The following ABI1 variants were observed in gnomAD, a reference collection of about 807,000 sequenced individuals.
ABI1 encodes the protein Abelson interactor 1.
Under a neutral mutation model 54.6 loss-of-function variants are expected in ABI1, and 14 were observed. The ratio of observed to expected loss-of-function variants is 0.26; its 90% CI spans 0.17 to 0.40. The LOEUF (loss-of-function observed/expected upper bound fraction) is 0.40, where lower values mean the gene tolerates loss of function less well. Among genes scored for constraint, ABI1 ranks in the 10% least tolerant of loss-of-function variants. ABI1 has a pLI of 1.00. For synonymous variants in ABI1, 194 were observed against 209.3 expected (o/e 0.93, Z 0.63); for missense variants, 443 against 598.3 (o/e 0.74, Z 2.71).
intron 2 of ABI1, among the ~76,000 whole-genome samples, chr10:26,794,480 A>T (rs568631838): frequency 1.3e-5 from 2 of 152,116 alleles, no homozygotes; most frequent in African/African-American, 4.8e-5. Flanking sequence ...CTAAGAGTTG[A>T]GTTCAGGAAC....
At chr10:26,834,682 A>C (rs935288801) in intron 1 of ABI1, among the ~76,000 whole-genome samples, 3 of 152,058 alleles carry the variant, frequency 2.0e-5, no homozygotes, top group Non-Finnish European at 4.4e-5. Flanking sequence ...CCACAATGCA[A>C]CAGACCAGGC....
intron 9 of ABI1, among the ~76,000 whole-genome samples, chr10:26,753,377 T>A (rs545789522): frequency 6.6e-6 from 1 of 152,352 alleles, no homozygotes; most frequent in East Asian, 1.9e-4. Flanking sequence ...GTTCATATCC[T>A]TAATTTGGCT....
At chr10:26,795,581 A>C (rs1275398770) in intron 2 of ABI1, among the ~76,000 whole-genome samples, 1 of 152,218 alleles carries the variant, frequency 6.6e-6, no homozygotes, top group Non-Finnish European at 1.5e-5. Context: ...TCAACATACA[A>C]AAATCAGTAA....
chr10:26,846,955 T>C (rs2050029331), intron 1 of ABI1, among the ~76,000 whole-genome samples: 1 of 152,186 alleles, frequency 6.6e-6, no homozygotes, highest in African/African-American at 2.4e-5. Flanking sequence ...ATGTATACTT[T>C]CATGTCACAT....
intron 2 of ABI1, among the ~76,000 whole-genome samples, chr10:26,809,702 T>G (rs2047107380): frequency 6.6e-6 from 1 of 152,194 alleles, no homozygotes; most frequent in Non-Finnish European, 1.5e-5. Context: ...ATATGGACAC[T>G]AATTAATGTT....
At chr10:26,822,827 T>C (rs2048068795) in intron 2 of ABI1, among the ~76,000 whole-genome samples, 1 of 152,188 alleles carries the variant, frequency 6.6e-6, no homozygotes, top group African/African-American at 2.4e-5. Flanking sequence ...CTGTTCTTTA[T>C]GTACAAATAA....
chr10:26,820,653 T>C (rs2047912298), intron 2 of ABI1, among the ~76,000 whole-genome samples: 1 of 151,268 alleles, frequency 6.6e-6, no homozygotes, highest in Admixed American at 6.6e-5. Flanking sequence ...AGTGGCGCGA[T>C]CTCGGCTCAC....
In ABI1 at chr10:26,783,679, T is replaced by C. The variant is rs568785582; in HGVS notation, c.286-6438A>G. Among the ~76,000 whole-genome samples the C allele has an allele frequency of 5.9e-5, 9 of 152,334 alleles. 1 individual carries two copies. The Middle Eastern group carries it at 0.017, about 288-fold the overall frequency. On this transcript the variant is annotated intron_variant, in intron 2 of 10. Transcript: ENST00000376140. ...TCCCAGGCTGGCTTGATTGGTCTAC[T>C]CTCTGGGTGGCAACCCAGCCAAAAG...
chr10:26,851,546 G>C (rs2134235576), intron 1 of ABI1, among the ~76,000 whole-genome samples: 1 of 152,070 alleles, frequency 6.6e-6, no homozygotes, highest in East Asian at 1.9e-4. Flanking sequence ...TCAGTTACTA[G>C]ATGAGTATAT....
chr10:26,789,358 TGTA>T (rs1843136470), intron 2 of ABI1, among the ~76,000 whole-genome samples: 1 of 152,176 alleles, frequency 6.6e-6, no homozygotes, highest in Non-Finnish European at 1.5e-5. Flanking sequence ...AAAATGAACA[TGTA>T]CAGGGGGAAT....
chr10:26,802,696 G>A (rs2046639507), intron 2 of ABI1, among the ~76,000 whole-genome samples: 2 of 152,140 alleles, frequency 1.3e-5, no homozygotes, highest in South Asian at 2.1e-4. Flanking sequence ...CAAGGGGTGG[G>A]AGAGATTACA....
At chr10:26,776,971 G>T (rs1841486138) in intron 3 of ABI1, 94 bp downstream of exon 3, 1 of 1,132,672 alleles carries the variant, frequency 8.8e-7, no homozygotes, top group Non-Finnish European at 1.2e-6. Flanking sequence ...CTGCTAAAGA[G>T]AATCTATTAA....
chr10:26,820,235 C>T (rs1390501092), intron 2 of ABI1, among the ~76,000 whole-genome samples: 1 of 152,112 alleles, frequency 6.6e-6, no homozygotes, highest in Non-Finnish European at 1.5e-5. Flanking sequence ...ATATGCTAGT[C>T]AGCTTGATAG....
intron 2 of ABI1, among the ~76,000 whole-genome samples, chr10:26,791,821 T>C (rs1228330795): frequency 6.6e-6 from 1 of 152,146 alleles, no homozygotes; most frequent in African/African-American, 2.4e-5. Flanking sequence ...GATCCCTACC[T>C]CAAACCATAG....
chr10:26,847,599 G>A (rs1372513010), intron 1 of ABI1, among the ~76,000 whole-genome samples: 1 of 151,866 alleles, frequency 6.6e-6, no homozygotes, highest in African/African-American at 2.4e-5. Context: ...ACTACAGCCT[G>A]AGCAACAGAG....
intron 1 of ABI1, among the ~76,000 whole-genome samples, chr10:26,832,903 A>AT (rs2048780122): frequency 6.6e-6 from 1 of 152,334 alleles, no homozygotes; most frequent in Middle Eastern, 3.4e-3. Context: ...TAGGGCATAC[A>AT]TATATGCAAT....
intron 1 of ABI1, among the ~76,000 whole-genome samples, chr10:26,843,472 AAAAAAAAAAAAAAATATATATATATATAT>A (rs2049711378): frequency 4.6e-5 from 3 of 64,572 alleles, no homozygotes; most frequent in African/African-American, 2.5e-4. Context: ...AAAAAAAAAA[AAAAAAAAAAAAAAATATATATATATATAT>A]ATATATATAT....
chr10:26,756,501 A>G (rs1838326882), intron 8 of ABI1, among the ~76,000 whole-genome samples: 1 of 152,192 alleles, frequency 6.6e-6, no homozygotes, highest in Admixed American at 6.5e-5. Context: ...AATAAGTTAA[A>G]ATACGTAGTT....
intron 7 of ABI1, 21 bp downstream of exon 7, chr10:26,765,197 A>T (rs1234318543): frequency 6.7e-7 from 1 of 1,501,504 alleles, no homozygotes. Flanking sequence ...TGTATTAAAC[A>T]TAGATTAATA....
Sources: gnomAD v4.1 joint callset for allele counts (sites outside exome capture counted in the v4.1 genomes callset) on GRCh38, gnomAD v4.1.1 for gene constraint, MANE v1.5 for transcripts, NCBI Gene and HGNC (gene_info 2026-07-23, HGNC 2026-07-21) for gene names.